Variants in BCL2L12 observed in about 807,000 individuals in gnomAD.
BCL2L12 encodes the protein bcl-2-like protein 12.
Under a neutral mutation model 25.7 loss-of-function variants are expected in BCL2L12, and 27 were observed. That is an observed-to-expected ratio of 1.05 (90% CI 0.78 to 1.45). The LOEUF (loss-of-function observed/expected upper bound fraction) is 1.45. Ranked by LOEUF, BCL2L12 falls within the 40% of genes most tolerant of loss-of-function variation. The probability of loss-of-function intolerance (pLI) is 0.00; values close to 1 mark genes in which losing one functional copy is unlikely to be tolerated. For synonymous variants in BCL2L12, 132 were observed against 145.6 expected (o/e 0.91, Z 0.67); for missense variants, 302 against 329.8 (o/e 0.92, Z 0.65).
intron 5 of BCL2L12, 117 bp from the exon 6 acceptor site, chr19:49,670,099 T>G: frequency 1.5e-6 from 2 of 1,325,706 alleles, no homozygotes; most frequent in Non-Finnish European, 2.0e-6. Flanking sequence ...GGATGAGGGG[T>G]GGCCTAGAAC....
intron 6 of BCL2L12, 34 bp from the exon 7 acceptor site, chr19:49,673,664 C>T (rs921525448): frequency 3.8e-6 from 6 of 1,576,526 alleles, no homozygotes; most frequent in Non-Finnish European, 5.2e-6. Flanking sequence ...AACACCTGCC[C>T]TGCTCACAGG....
intron 3 of BCL2L12, among the ~76,000 whole-genome samples, chr19:49,668,464 T>C (rs2122830810): frequency 6.6e-6 from 1 of 152,198 alleles, no homozygotes; most frequent in South Asian, 2.1e-4. Context: ...GGTTTTGGCA[T>C]TTTTAACCAA....
chr19:49,671,298 A>G (rs1237565729), intron 6 of BCL2L12, among the ~76,000 whole-genome samples: 4 of 151,874 alleles, frequency 2.6e-5, no homozygotes, highest in Non-Finnish European at 5.9e-5. Flanking sequence ...AGTCTCTACT[A>G]AAAATACAAA....
At chr19:49,666,893 C>A in intron 2 of BCL2L12, 94 bp downstream of exon 2, 1 of 1,515,788 alleles carries the variant, frequency 6.6e-7, no homozygotes. Context: ...CTCTTTATAT[C>A]TGGCTCTATT....
rs2081735575 is a variant in BCL2L12 at position 49,666,074 on chromosome 19, G to C, written c.-9+7G>C. 1.9e-6 allele frequency: 3 copies of C among 1,543,302 alleles called. No homozygotes were observed. The highest frequency in any genetic ancestry group is 4.9e-5 in the East Asian group (2 of 40,820). On this transcript the variant is annotated splice_region_variant and intron_variant, in intron 1 of 6. Coordinates refer to ENST00000246784, the MANE Select transcript of BCL2L12 (RefSeq NM_138639.2). ...CGGTGGGGCCCCGGACCAGGTCAGCGGGGTGTTGACGAGGGGTGGGGTGAG... is the reference window on the plus strand; with the variant it reads ...CGGTGGGGCCCCGGACCAGGTCAGCCGGGTGTTGACGAGGGGTGGGGTGAG...
intron 3 of BCL2L12, 30 bp downstream of exon 3, chr19:49,667,191 C>T: frequency 6.2e-7 from 1 of 1,604,700 alleles, no homozygotes. Context: ...ATCTATGAAG[C>T]CGGCAGAACA....
At position 49,667,138 on chromosome 19, in the gene BCL2L12, G is replaced by A. The variant is rs780042038; in HGVS notation, c.227G>A (p.Arg76His). 5.3e-5 allele frequency: 85 copies of A among 1,613,768 alleles called. No individual in the cohort carries two copies. The highest frequency in any genetic ancestry group is 3.3e-4 in the East Asian group (15 of 44,876). ...ESPRPCSLPI[R>H]PCYGLEPGPA... ...CCTCGGCCTTGCTCTCTGCCCATCC[G>A]CCCCTGCTATGGTTTAGAGCCTGGT... Residue 76 changes from arginine (R) to histidine (H), a missense_variant, in exon 3 of 7, where the codon CGC (arginine) becomes CAC (histidine). By Grantham distance (29) the Arg-to-His change is conservative. Transcript: ENST00000246784.
chr19:49,667,332 G>A (rs1420282196), intron 3 of BCL2L12, among the ~76,000 whole-genome samples, 171 bp downstream of exon 3: 1 of 152,156 alleles, frequency 6.6e-6, no homozygotes, highest in Non-Finnish European at 1.5e-5. Flanking sequence ...TCTGTGGGTT[G>A]GCTTTCAGAG....
chr19:49,671,799 A>G (rs1018146009), intron 6 of BCL2L12, among the ~76,000 whole-genome samples: 2 of 152,102 alleles, frequency 1.3e-5, no homozygotes, highest in African/African-American at 2.4e-5. Flanking sequence ...GCCTGCCAGG[A>G]TGCCCTCCCG....
chr19:49,665,500 T>G, upstream of BCL2L12: 1 of 267,574 alleles, frequency 3.7e-6, no homozygotes, highest in Non-Finnish European at 7.2e-6. Flanking sequence ...CGTCGGCCAC[T>G]GTAGCTCCTT....
chr19:49,665,645 CG>C, upstream of BCL2L12: 1 of 751,510 alleles, frequency 1.3e-6, no homozygotes, highest in Non-Finnish European at 2.1e-6. Flanking sequence ...GATGGAAGGT[CG>C]GGGCGTGCGG....
chr19:49,666,099 G>A lies in BCL2L12; in HGVS notation c.-9+32G>A, dbSNP rs1464976000. The stretch of plus-strand genomic sequence containing the variant: ...GGGGTGTTGACGAGGGGTGGGGTGA[G>A]GAGGGAAGAGGAGGGGGCCGGGATC... On this transcript the variant is annotated intron_variant, in intron 1 of 6. Coordinates refer to ENST00000246784, the MANE Select transcript of BCL2L12 (RefSeq NM_138639.2). 3.3e-6 allele frequency: 5 copies of A among 1,526,978 alleles called. No homozygotes were observed. In the South Asian group the frequency reaches 6.0e-5, roughly 18 times the overall value. The allele number at this position is 1,526,978 out of a possible 1,614,324, so 94.6% of individuals were successfully genotyped here.
chr19:49,668,972 G>T, intron 4 of BCL2L12, 35 bp downstream of exon 4: 1 of 1,613,968 alleles, frequency 6.2e-7, no homozygotes, highest in Non-Finnish European at 8.5e-7. Flanking sequence ...AAGGATGGCG[G>T]TGGGAGGATA....
chr19:49,665,608 T>G, upstream of BCL2L12: 3 of 582,850 alleles, frequency 5.1e-6, no homozygotes, highest in Non-Finnish European at 8.9e-6. Flanking sequence ...CCACCAACGC[T>G]CTCCCGGGCT....
Position 49,669,007 on chromosome 19 carries a change from T to C in BCL2L12, c.338-17T>C. 6.2e-7 allele frequency: 1 copy of C among 1,613,910 alleles called. No individual in the cohort carries two copies. Among genetic ancestry groups the C allele is most frequent in the East Asian group, 2.2e-5 (1 of 44,882 alleles). On this transcript the variant is annotated splice_polypyrimidine_tract_variant and intron_variant, in intron 4 of 6. Transcript: ENST00000246784. ...AGTCAGGGTTCTGCCCCCAGCCAAA[T>C]TCTCTTCTGCCTCCAGAATTACAGG...
intron 1 of BCL2L12, among the ~76,000 whole-genome samples, chr19:49,666,328 C>T (rs534950634): frequency 1.9e-4 from 29 of 152,312 alleles, no homozygotes; most frequent in African/African-American, 5.8e-4. Flanking sequence ...TGGCATATGC[C>T]TCTTATAGAA....
upstream of BCL2L12, chr19:49,665,450 C>T (rs199755093): frequency 8.0e-5 from 16 of 199,922 alleles, no homozygotes; most frequent in East Asian, 1.9e-3. Context: ...TTTCCTCTTT[C>T]CTCCCTACTT....
At chr19:49,669,172 A>T in intron 5 of BCL2L12, 57 bp downstream of exon 5, 1 of 1,594,738 alleles carries the variant, frequency 6.3e-7, no homozygotes, top group South Asian at 1.1e-5. Flanking sequence ...ATGGTGGGGC[A>T]CTGGGATCAG....
chr19:49,673,216 C>T (rs1036796984), intron 6 of BCL2L12, among the ~76,000 whole-genome samples: 3 of 151,862 alleles, frequency 2.0e-5, no homozygotes, highest in Admixed American at 1.3e-4. Flanking sequence ...TGAGTTTTCT[C>T]GGTGGGCCAG....
Sources: allele counts gnomAD v4.1 joint callset (sites outside exome capture counted in the v4.1 genomes callset), GRCh38; gene constraint gnomAD v4.1.1; transcripts MANE v1.5; gene names NCBI Gene and HGNC (gene_info 2026-07-23, HGNC 2026-07-21).